RARB: variants seen among roughly 807,000 people sequenced by gnomAD.
RARB encodes HBV-activated protein.
RARB carries 17 observed loss-of-function variants against 51.9 expected under a neutral mutation model. That is an observed-to-expected ratio of 0.33 (90% CI 0.22 to 0.49). The LOEUF (loss-of-function observed/expected upper bound fraction) is 0.49. Ranked by LOEUF, RARB falls within the 20% of genes least tolerant of loss-of-function variation. The pLI is 0.99. For missense variants in RARB, 369 were observed against 550.8 expected (o/e 0.67, Z 3.30); for synonymous variants, 215 against 195.4 (o/e 1.10, Z -0.84).
intron 4 of RARB, among the ~76,000 whole-genome samples, chr3:25,159,901 A>C (rs1052095271): frequency 5.9e-5 from 9 of 152,210 alleles, no homozygotes; most frequent in African/African-American, 2.2e-4. Flanking sequence ...AAGGGAGATA[A>C]TTCAGACACA....
At chr3:24,925,643 C>G (rs1041192626) in intron 2 of RARB, among the ~76,000 whole-genome samples, 1 of 96,818 alleles carries the variant, frequency 1.0e-5, no homozygotes, top group Non-Finnish European at 2.0e-5. Context: ...CAGATCCTGT[C>G]TTTTTTTTTT....
At chr3:24,919,598 C>T (rs1695177928) in intron 2 of RARB, among the ~76,000 whole-genome samples, 1 of 152,300 alleles carries the variant, frequency 6.6e-6, no homozygotes, top group African/African-American at 2.4e-5. Context: ...TGAGCCTACT[C>T]TGGGTCTGGA....
At chr3:25,476,484 T>C (rs1695952272) in intron 2 of RARB, among the ~76,000 whole-genome samples, 1 of 152,180 alleles carries the variant, frequency 6.6e-6, no homozygotes, top group Admixed American at 6.5e-5. Flanking sequence ...AGACACTTTT[T>C]ACAAGTTTCT....
At chr3:25,166,373 A>G (rs185419858) in intron 4 of RARB, among the ~76,000 whole-genome samples, 12 of 152,310 alleles carry the variant, frequency 7.9e-5, no homozygotes, top group African/African-American at 2.9e-4. Context: ...ATTTTTGCTG[A>G]AAACAGGTAC....
chr3:25,101,327 G>T (rs965929729), intron 3 of RARB, among the ~76,000 whole-genome samples: 2 of 152,154 alleles, frequency 1.3e-5, no homozygotes, highest in Non-Finnish European at 2.9e-5. Context: ...AAGAAAAAAA[G>T]TAATAAACAT....
intron 5 of RARB, among the ~76,000 whole-genome samples, chr3:25,217,364 C>G (rs950206486): frequency 1.3e-5 from 2 of 152,122 alleles, no homozygotes; most frequent in African/African-American, 4.8e-5. Context: ...TCGTTTCAAT[C>G]TATCATAATT....
At chr3:25,346,431 A>C (rs1364487030) in intron 5 of RARB, among the ~76,000 whole-genome samples, 2 of 152,222 alleles carry the variant, frequency 1.3e-5, no homozygotes, top group Non-Finnish European at 2.9e-5. Context: ...TTAATTAATT[A>C]GGTGGTCAAA....
chr3:24,836,565 A>G (rs746000775), intron 1 of RARB, among the ~76,000 whole-genome samples: 3 of 152,154 alleles, frequency 2.0e-5, no homozygotes, highest in Non-Finnish European at 4.4e-5. Context: ...ATGGCTTCCC[A>G]TCTCACTCTT....
chr3:25,154,147 A>AT (rs1282270759), intron 4 of RARB, among the ~76,000 whole-genome samples: 1 of 152,070 alleles, frequency 6.6e-6, no homozygotes, highest in Non-Finnish European at 1.5e-5. Context: ...TATCTTATTG[A>AT]TTTTTCCTTT....
chr3:25,092,386 C>T lies in RARB; in HGVS notation c.-328+32210C>T, dbSNP rs189543805. On this transcript the variant is annotated intron_variant, in intron 3 of 11. Transcript: ENST00000383772. ...AAGATCTTAAAACAAAACAAAAAAA[C>T]CTCTTTCCATATAAAGTGTCTCTAT... Among the ~76,000 whole-genome samples the T allele has an allele frequency of 9.8e-3, 1,496 of 152,146 alleles. 13 individuals are homozygous for T. Among genetic ancestry groups the T allele is most frequent in the Non-Finnish European group, 0.017 (1,144 of 67,968 alleles).
chr3:25,305,099 A>C (rs1575297960), intron 5 of RARB, among the ~76,000 whole-genome samples: 1 of 152,094 alleles, frequency 6.6e-6, no homozygotes, highest in South Asian at 2.1e-4. Context: ...CATCCTCTAC[A>C]CCACTGCCCC....
intron 5 of RARB, among the ~76,000 whole-genome samples, chr3:25,391,660 CAT>C (rs1278026119): frequency 6.6e-6 from 1 of 152,086 alleles, no homozygotes; most frequent in Non-Finnish European, 1.5e-5. Context: ...GGCATTTTTT[CAT>C]ATGTTTGTTG....
At chr3:24,932,679 A>T (rs1200562619) in intron 2 of RARB, among the ~76,000 whole-genome samples, 1 of 152,152 alleles carries the variant, frequency 6.6e-6, no homozygotes, top group East Asian at 1.9e-4. Flanking sequence ...GAGGGCCAAT[A>T]GCATTGCTTT....
chr3:25,497,252 G>C (rs2698517), intron 2 of RARB, among the ~76,000 whole-genome samples: 87,279 of 152,022 alleles, frequency 0.57, 28,404 homozygotes, highest in African/African-American at 0.9. Context: ...CAACTTCAGT[G>C]CAGCACAGAT....
chr3:24,845,641 A>G (rs1702477330), intron 1 of RARB, among the ~76,000 whole-genome samples: 1 of 152,068 alleles, frequency 6.6e-6, no homozygotes, highest in Non-Finnish European at 1.5e-5. Context: ...TCATTGCTAC[A>G]CTCATGTACA....
intron 2 of RARB, among the ~76,000 whole-genome samples, chr3:24,978,349 C>T (rs561279260): frequency 2.0e-5 from 3 of 152,000 alleles, no homozygotes; most frequent in African/African-American, 4.8e-5. Flanking sequence ...CTTTTTGTAC[C>T]TCTGGTAGAA....
At chr3:24,988,818 A>AT (rs908051160) in intron 2 of RARB, among the ~76,000 whole-genome samples, 6 of 151,930 alleles carry the variant, frequency 3.9e-5, no homozygotes, top group African/African-American at 1.5e-4. Flanking sequence ...ATTTGTTATT[A>AT]TTTTTATTTA....
intron 2 of RARB, among the ~76,000 whole-genome samples, chr3:24,980,168 G>A (rs1413871945): frequency 6.6e-6 from 1 of 152,160 alleles, no homozygotes; most frequent in African/African-American, 2.4e-5. Flanking sequence ...CCCTTTGTAG[G>A]TAACCTGACC....
At chr3:24,917,658 G>T (rs1295408471) in intron 2 of RARB, among the ~76,000 whole-genome samples, 2 of 152,316 alleles carry the variant, frequency 1.3e-5, no homozygotes, top group South Asian at 4.1e-4. Flanking sequence ...AGCCTCCCAA[G>T]TAGCTGGGAC....
Sources: gnomAD v4.1 joint callset for allele counts (sites outside exome capture counted in the v4.1 genomes callset) on GRCh38, gnomAD v4.1.1 for gene constraint, MANE v1.5 for transcripts, NCBI Gene and HGNC (gene_info 2026-07-23, HGNC 2026-07-21) for gene names.